HDAC9: variants seen among roughly 807,000 people sequenced by gnomAD.
The protein encoded by HDAC9 is histone deacetylase 9.
Under a neutral mutation model 139.4 loss-of-function variants are expected in HDAC9, and 41 were observed. The observed-to-expected ratio is 0.29, with a 90% CI of 0.23 to 0.38. HDAC9 has a LOEUF of 0.38. Ranked by LOEUF, HDAC9 falls within the 10% of genes least tolerant of loss-of-function variation. HDAC9 has a pLI of 1.00. For synonymous variants in HDAC9, 517 were observed against 476.2 expected, an observed-to-expected ratio of 1.09 and a Z score of -1.12; for missense variants, 1,147 against 1,297.0, an observed-to-expected ratio of 0.88 and a Z score of 1.78.
intron 1 of HDAC9, among the ~76,000 whole-genome samples, chr7:18,404,536 T>C (rs1787835634): frequency 6.6e-6 from 1 of 152,198 alleles, no homozygotes; most frequent in South Asian, 2.1e-4. Flanking sequence ...ATAATATAAT[T>C]ACTAATGTTG....
chr7:18,225,409 A>T (rs1262102651), intron 2 of HDAC9, among the ~76,000 whole-genome samples: 4 of 152,090 alleles, frequency 2.6e-5, no homozygotes, highest in African/African-American at 9.7e-5. Context: ...TACAACTGAG[A>T]TTTTCATTTA....
intron 1 of HDAC9, among the ~76,000 whole-genome samples, chr7:18,429,979 T>TCTTACAGGCATTTCATACA (rs1471428506): frequency 2.6e-5 from 4 of 152,204 alleles, no homozygotes; most frequent in African/African-American, 9.7e-5. Flanking sequence ...TGTCAAGAAC[T>TCTTACAGGCATTTCATACA]CTTACAGGCA....
chr7:18,690,589 C>T (rs1782602386), intron 12 of HDAC9, among the ~76,000 whole-genome samples: 1 of 151,946 alleles, frequency 6.6e-6, no homozygotes, highest in South Asian at 2.1e-4. Flanking sequence ...AAATGAGAAG[C>T]AGCCGCCTTT....
At chr7:18,778,964 C>T (rs952648805) in intron 16 of HDAC9, among the ~76,000 whole-genome samples, 2 of 152,040 alleles carry the variant, frequency 1.3e-5, no homozygotes, top group African/African-American at 4.8e-5. Context: ...CCCTTTTCTC[C>T]TCCAGCTGTC....
chr7:18,356,817 A>G (rs748183627), intron 1 of HDAC9, among the ~76,000 whole-genome samples: 1 of 152,180 alleles, frequency 6.6e-6, no homozygotes, highest in African/African-American at 2.4e-5. Flanking sequence ...GTTCTCCTCA[A>G]TGTATGAATA....
chr7:18,167,617 G>A (rs534519274), intron 2 of HDAC9, among the ~76,000 whole-genome samples: 57 of 152,300 alleles, frequency 3.7e-4, no homozygotes, highest in African/African-American at 1.3e-3. Flanking sequence ...TGCTTCTTCA[G>A]TTCATGTATT....
chr7:18,289,146 CA>C (rs1165499238), upstream of HDAC9, among the ~76,000 whole-genome samples: 1 of 152,014 alleles, frequency 6.6e-6, no homozygotes, highest in Admixed American at 6.6e-5. Context: ...AAACTCAGAC[CA>C]AATATAAAAA....
chr7:18,502,472 A>G (rs775555361), intron 2 of HDAC9: 6 of 152,212 alleles, frequency 3.9e-5, no homozygotes, highest in Non-Finnish European at 8.8e-5. Flanking sequence ...AGTATTTGCT[A>G]CAACGTGGAT....
At position 18,791,157 on chromosome 7, in the gene HDAC9, A is replaced by G. The variant is rs1046243692; in HGVS notation, c.2215-2188A>G. 1.1e-4 allele frequency among the ~76,000 whole-genome samples: 17 copies of G among 152,274 alleles called. No individual in the cohort carries two copies. In the South Asian group the frequency reaches 2.9e-3, roughly 26 times the overall value. ...TTTTCTAATCAAGTTCAGTATTTAT[A>G]ATTTTTTGGAAGGAAATTTGCCACT... On this transcript the variant is annotated intron_variant, in intron 16 of 25. Coordinates refer to ENST00000686413, the MANE Select transcript of HDAC9 (RefSeq NM_178425.4).
chr7:18,991,408 A>G (rs1053363338), intron 25 of HDAC9, among the ~76,000 whole-genome samples: 3 of 152,206 alleles, frequency 2.0e-5, no homozygotes, highest in Non-Finnish European at 4.4e-5. Context: ...TGGGAGGCCG[A>G]GGCGGGCAGA....
intron 2 of HDAC9, among the ~76,000 whole-genome samples, chr7:18,568,026 G>GTGTGTATATATATATATATATATA (rs1384273199): frequency 3.9e-5 from 5 of 126,814 alleles, no homozygotes; most frequent in East Asian, 2.1e-4. Flanking sequence ...ATATGTATAT[G>GTGTGTATATATATATATATATATA]TATATATATA....
rs1451310973 is a variant in HDAC9, at chr7:18,762,275, T to C, written c.2162T>C (p.Leu721Pro). The C allele has an allele frequency of 3.1e-6, 5 of 1,613,368 alleles. No individual in the cohort carries two copies. The highest frequency in any genetic ancestry group is 4.2e-6 in the Non-Finnish European group (5 of 1,179,560). ...DGQKLDPRILLGDDSQKFFSS... is the reference protein window; with the variant it reads ...DGQKLDPRILPGDDSQKFFSS... ...CAGAAGCTGGACCCCAGGATACTCC[T>C]AGGTCTGTACGGGCCTCCACTGTAC... The change falls in exon 15 of 26, where the codon CTA becomes CCA. Residue 721 changes from leucine to proline, a missense_variant and splice_region_variant. Leu to Pro is a moderately conservative substitution (Grantham distance 98). Around this residue, in one of 7 missense-constraint regions of HDAC9, gnomAD observed 407 missense variants for 521.5 expected, o/e 0.78. Transcript: ENST00000686413.
chr7:18,937,755 A>C (rs1281325614), intron 23 of HDAC9, among the ~76,000 whole-genome samples: 2 of 152,212 alleles, frequency 1.3e-5, no homozygotes, highest in Non-Finnish European at 1.5e-5. Context: ...CTGTAGCTCC[A>C]TGGATAATTG....
At chr7:18,753,655 A>G (rs1366695595) in intron 14 of HDAC9, among the ~76,000 whole-genome samples, 2 of 152,134 alleles carry the variant, frequency 1.3e-5, no homozygotes, top group African/African-American at 2.4e-5. Context: ...CTGATCCACA[A>G]CTCAAACTTT....
intron 2 of HDAC9, among the ~76,000 whole-genome samples, chr7:18,563,416 T>C (rs1821218845): frequency 6.6e-6 from 1 of 152,020 alleles, no homozygotes; most frequent in African/African-American, 2.4e-5. Flanking sequence ...TATTCAATGG[T>C]TATGTTTTTG....
chr7:18,718,826 T>G (rs1486192834), intron 12 of HDAC9, among the ~76,000 whole-genome samples: 1 of 152,176 alleles, frequency 6.6e-6, no homozygotes, highest in Non-Finnish European at 1.5e-5. Context: ...AACTTTATAT[T>G]TAACCCTTTG....
chr7:18,728,610 G>C (rs992816338), intron 13 of HDAC9, among the ~76,000 whole-genome samples: 1 of 152,176 alleles, frequency 6.6e-6, no homozygotes, highest in Non-Finnish European at 1.5e-5. Flanking sequence ...GGATACTGCA[G>C]AAAACGAATT....
intron 1 of HDAC9, among the ~76,000 whole-genome samples, chr7:18,303,423 G>GTGTGTGTGTGTGTGTGTT (rs1562856311): frequency 9.0e-6 from 1 of 110,874 alleles, no homozygotes; most frequent in Admixed American, 8.1e-5. Context: ...GTGTGTGTGT[G>GTGTGTGTGTGTGTGTGTT]TTTTTAGTAG....
intron 17 of HDAC9, among the ~76,000 whole-genome samples, chr7:18,794,094 C>T (rs1319125990): frequency 1.3e-5 from 2 of 152,182 alleles, no homozygotes; most frequent in Admixed American, 1.3e-4. Context: ...CAGACGTTGA[C>T]ATTTTATTTG....
Sources: allele counts gnomAD v4.1 joint callset (sites outside exome capture counted in the v4.1 genomes callset), GRCh38; gene constraint gnomAD v4.1.1; regional missense constraint gnomAD v4.1.1; transcripts MANE v1.5; gene names NCBI Gene and HGNC (gene_info 2026-07-23, HGNC 2026-07-21).